Variants in MAPKAP1 observed in about 807,000 individuals in gnomAD.
MAPKAP1 encodes target of rapamycin complex 2 subunit MAPKAP1.
A neutral mutation model predicts 65.7 loss-of-function variants in MAPKAP1; 20 were observed. The ratio of observed to expected loss-of-function variants is 0.30; its 90% CI spans 0.21 to 0.44. The LOEUF (loss-of-function observed/expected upper bound fraction) is 0.44, where lower values mean the gene tolerates loss of function less well. Ranked by LOEUF, MAPKAP1 falls within the 20% of genes least tolerant of loss-of-function variation. The probability of loss-of-function intolerance (pLI) is 1.00; values close to 1 mark genes in which losing one functional copy is unlikely to be tolerated. For synonymous variants in MAPKAP1, 222 were observed against 244.3 expected, an observed-to-expected ratio of 0.91 and a Z score of 0.85; for missense variants, 423 against 648.0, an observed-to-expected ratio of 0.65 and a Z score of 3.77.
intron 9 of MAPKAP1, among the ~76,000 whole-genome samples, chr9:125,474,940 A>C (rs1291465340): frequency 1.3e-5 from 2 of 152,152 alleles, no homozygotes. Flanking sequence ...AGGGAGTGCC[A>C]CTGAACAACT....
intron 6 of MAPKAP1, among the ~76,000 whole-genome samples, chr9:125,546,230 C>A (rs1233558128): frequency 6.6e-6 from 1 of 152,126 alleles, no homozygotes. Context: ...GGCTCCATTT[C>A]CGTAAAAACG....
intron 5 of MAPKAP1, chr9:125,568,942 C>T (rs751341417): frequency 3.5e-5 from 6 of 173,258 alleles, no homozygotes; most frequent in Non-Finnish European, 7.8e-5. Context: ...CGTTTATCTC[C>T]TCTGTAAAGC....
At chr9:125,566,436 A>T (rs1244206639) in intron 5 of MAPKAP1, among the ~76,000 whole-genome samples, 1 of 152,104 alleles carries the variant, frequency 6.6e-6, no homozygotes, top group Non-Finnish European at 1.5e-5. Flanking sequence ...GTGGTGGCAC[A>T]TGCTTGTAGT....
At position 125,517,424 on chromosome 9, in the gene MAPKAP1, C is replaced by T. The variant is rs145115450; in HGVS notation, c.959-11007G>A. 2.1e-3 allele frequency among the ~76,000 whole-genome samples: 325 copies of T among 152,288 alleles called. 2 individuals carry two copies. The highest frequency in any genetic ancestry group is 0.01 in the Middle Eastern group (3 of 294). ...TTCTTTTTCTAAGTTAAGTGATTTA[C>T]AGACTTACTGCCTCAATCCACAGTT... On this transcript the variant is annotated intron_variant, in intron 7 of 11. Transcript: ENST00000265960.
intron 6 of MAPKAP1, among the ~76,000 whole-genome samples, chr9:125,546,775 C>T (rs1313645707): frequency 6.6e-6 from 1 of 152,140 alleles, no homozygotes; most frequent in East Asian, 1.9e-4. Context: ...GTGGCACACG[C>T]TCCAGTCTCT....
intron 4 of MAPKAP1, among the ~76,000 whole-genome samples, chr9:125,622,669 C>T (rs902449372): frequency 6.6e-6 from 1 of 152,158 alleles, no homozygotes; most frequent in Admixed American, 6.5e-5. Flanking sequence ...TGGTCTCAAT[C>T]TCCTAACCTC....
chr9:125,652,592 T>C lies in MAPKAP1; in HGVS notation c.498+5059A>G, dbSNP rs542039098. On this transcript the variant is annotated intron_variant, in intron 4 of 11. Transcript: ENST00000265960. The stretch of plus-strand genomic sequence containing the variant: ...ACACCATCAAAGTCACAGTTGTCTA[T>C]ATGAACCAGAACTGGTTTGCTCTTT... 2.0e-5 allele frequency among the ~76,000 whole-genome samples: 3 copies of C among 152,342 alleles called. No individual in the cohort carries two copies. In the East Asian group the frequency reaches 5.8e-4, roughly 29 times the overall value.
chr9:125,438,105 A>C lies in MAPKAP1; in HGVS notation c.*782T>G, dbSNP rs1393939259. 2.7e-6 allele frequency: 1 copy of C among 363,956 alleles called. No individual in the cohort carries two copies. The highest frequency in any genetic ancestry group is 2.1e-5 in the African/African-American group (1 of 47,988). 22.5% of individuals were successfully genotyped at this position (363,956 alleles called of 1,614,324 possible). On this transcript the variant is annotated 3_prime_UTR_variant, in exon 12 of 12. Transcript: ENST00000265960. ...TTGCTACTTAAGAAACGGAAAGACC[A>C]TGTCTGGCTGGGAGTGCAGCGTGCC...
At position 125,439,078 on chromosome 9, in the gene MAPKAP1, G is replaced by A. The variant is rs1852386941; in HGVS notation, c.1444-66C>T. ...CTCCCTACCCACCCAGGGCATCGGA[G>A]GGGGTGGCAGGGAAGGCCCTGACCT... On this transcript the variant is annotated intron_variant, in intron 11 of 11. Transcript: ENST00000265960. The surrounding 1 kb of genome is among the most constrained non-coding windows in gnomAD (Gnocchi z 4.0). The A allele has an allele frequency of 1.9e-6, 3 of 1,582,886 alleles. No homozygotes were observed. The highest frequency in any genetic ancestry group is 1.3e-5 in the African/African-American group (1 of 74,338).
intron 11 of MAPKAP1, among the ~76,000 whole-genome samples, chr9:125,441,974 A>C (rs905507085): frequency 1.3e-5 from 2 of 151,844 alleles, no homozygotes; most frequent in African/African-American, 2.4e-5. Context: ...TAAAAATAGA[A>C]AAAAATTAGC....
chr9:125,688,498 T>C (rs888152700), intron 1 of MAPKAP1, among the ~76,000 whole-genome samples: 5 of 152,178 alleles, frequency 3.3e-5, no homozygotes, highest in African/African-American at 1.2e-4. Context: ...GCAACAGAAC[T>C]GGCTTCATTC....
intron 7 of MAPKAP1, chr9:125,521,455 G>T (rs1186149970): frequency 8.4e-7 from 1 of 1,183,466 alleles, no homozygotes; most frequent in Non-Finnish European, 1.0e-6. Flanking sequence ...GCTCTGTAAA[G>T]AAATACAGAT....
At chr9:125,469,267 A>C (rs1853805310) in intron 9 of MAPKAP1, among the ~76,000 whole-genome samples, 1 of 152,372 alleles carries the variant, frequency 6.6e-6, no homozygotes, top group South Asian at 2.1e-4. Context: ...CATCCTACGA[A>C]TCACACTCAA....
Position 125,438,730 on chromosome 9 carries a change from G to GC in MAPKAP1, c.*156dup. The GC allele has an allele frequency of 9.2e-6, 9 of 975,556 alleles. No individual in the cohort carries two copies. Among genetic ancestry groups the GC allele is most frequent in the Non-Finnish European group, 1.4e-5 (9 of 659,580 alleles). 60.4% of individuals were successfully genotyped at this position (975,556 alleles called of 1,614,324 possible). ...TGTCCCCAGCGCTCCCTCCTAGGGG[G>GC]CCCCCGACACCTTCCCCGAGAGCCC... On this transcript the variant is annotated 3_prime_UTR_variant, in exon 12 of 12. Coordinates refer to ENST00000265960, the MANE Select transcript of MAPKAP1 (RefSeq NM_001006617.3).
At chr9:125,511,675 A>C (rs1161064508) in intron 7 of MAPKAP1, among the ~76,000 whole-genome samples, 1 of 152,222 alleles carries the variant, frequency 6.6e-6, no homozygotes, top group African/African-American at 2.4e-5. Flanking sequence ...TGTGAGGTCA[A>C]TTTCTATGAA....
intron 4 of MAPKAP1, chr9:125,652,333 A>C: frequency 2.0e-6 from 2 of 975,680 alleles, no homozygotes; most frequent in Admixed American, 4.2e-5. Flanking sequence ...ATTAACCAGT[A>C]TGTGTTAATT....
At chr9:125,488,768 C>T (rs550616680) in intron 8 of MAPKAP1, among the ~76,000 whole-genome samples, 3 of 152,294 alleles carry the variant, frequency 2.0e-5, no homozygotes, top group East Asian at 3.9e-4. Flanking sequence ...CGGTGGGGGA[C>T]ACTGGTGAGG....
chr9:125,441,463 GACATTAGATGT>G (rs1852480912), intron 11 of MAPKAP1, among the ~76,000 whole-genome samples: 1 of 152,188 alleles, frequency 6.6e-6, no homozygotes, highest in African/African-American at 2.4e-5. Flanking sequence ...CAAGATAATG[GACATTAGATGT>G]ACTGCATGTA....
intron 11 of MAPKAP1, among the ~76,000 whole-genome samples, chr9:125,440,771 A>C (rs1469043537): frequency 6.6e-6 from 1 of 152,230 alleles, no homozygotes; most frequent in Non-Finnish European, 1.5e-5. Flanking sequence ...AATCATGAGG[A>C]CCGCAGGGCC....
Sources: gnomAD v4.1 joint callset for allele counts (sites outside exome capture counted in the v4.1 genomes callset) on GRCh38, gnomAD v4.1.1 for gene constraint, Gnocchi (gnomAD v3.1) non-coding constraint, MANE v1.5 for transcripts, NCBI Gene and HGNC (gene_info 2026-07-23, HGNC 2026-07-21) for gene names.